The following BMPR1B variants were observed in gnomAD, a reference collection of about 807,000 sequenced individuals.
BMPR1B encodes the protein bone morphogenetic protein receptor type-1B.
In BMPR1B, 12 loss-of-function variants were observed where a neutral mutation model predicts 59.1. The observed-to-expected ratio is 0.20, with a 90% CI of 0.13 to 0.33. The LOEUF (loss-of-function observed/expected upper bound fraction) is 0.33. BMPR1B is among the 10% of genes least tolerant of loss of function. The pLI is 1.00. For synonymous variants in BMPR1B, 237 were observed against 207.3 expected (o/e 1.14, Z -1.23); for missense variants, 550 against 610.9 (o/e 0.90, Z 1.05).
intron 1 of BMPR1B, among the ~76,000 whole-genome samples, chr4:94,819,704 T>A (rs571117508): frequency 2.0e-5 from 3 of 152,318 alleles, no homozygotes; most frequent in East Asian, 3.9e-4. Flanking sequence ...ATCTGAACAC[T>A]CTTGAGATTT....
chr4:95,117,042 A>G (rs898771971), intron 6 of BMPR1B, among the ~76,000 whole-genome samples: 1 of 152,192 alleles, frequency 6.6e-6, no homozygotes, highest in African/African-American at 2.4e-5. Context: ...TATAAAGTGT[A>G]TTAAGGACAT....
intron 1 of BMPR1B, among the ~76,000 whole-genome samples, chr4:94,823,597 A>G (rs1350890343): frequency 6.6e-6 from 1 of 152,210 alleles, no homozygotes; most frequent in East Asian, 1.9e-4. Context: ...CCTCTACTGC[A>G]CACACAGCCT....
chr4:94,958,531 G>A (rs1730240898), intron 2 of BMPR1B, among the ~76,000 whole-genome samples: 1 of 152,084 alleles, frequency 6.6e-6, no homozygotes, highest in East Asian at 1.9e-4. Context: ...TCTCTCTGGT[G>A]TCTCCTTCTG....
intron 2 of BMPR1B, among the ~76,000 whole-genome samples, chr4:94,966,004 T>A (rs752527252): frequency 2.0e-5 from 3 of 152,156 alleles, no homozygotes; most frequent in Non-Finnish European, 4.4e-5. Context: ...CATGCCACCA[T>A]ACAGTTGTAA....
intron 3 of BMPR1B, among the ~76,000 whole-genome samples, chr4:95,033,466 A>T (rs761081992): frequency 1.3e-5 from 2 of 152,048 alleles, no homozygotes; most frequent in Non-Finnish European, 2.9e-5. Flanking sequence ...TAATTTTTCC[A>T]TTATGGTATA....
intron 2 of BMPR1B, among the ~76,000 whole-genome samples, chr4:94,910,621 T>C (rs1347682639): frequency 1.3e-5 from 2 of 152,020 alleles, no homozygotes; most frequent in African/African-American, 4.8e-5. Context: ...ATATTAAAAA[T>C]TTCAGGCCAG....
chr4:94,826,172 G>A (rs978899806), intron 1 of BMPR1B, among the ~76,000 whole-genome samples: 3 of 152,236 alleles, frequency 2.0e-5, no homozygotes, highest in African/African-American at 7.2e-5. Context: ...CAAAGATAAT[G>A]TGAAGCATAA....
Position 95,091,647 on chromosome 4 carries a change from T to C in BMPR1B, c.-17-12761T>C, listed in dbSNP as rs187220375. ...TCAAAAGTGAGTAGTGGGAGAAGCT[T>C]TATATCTCACAGAGACTGTTTTTTT... is the stretch of plus-strand genomic sequence containing the variant. On this transcript the variant is annotated intron_variant, in intron 3 of 12. Coordinates refer to ENST00000515059, the MANE Select transcript of BMPR1B (RefSeq NM_001203.3). 4,945 of 985,072 alleles carry C rather than the reference T, an allele frequency of 5.0e-3. 145 individuals carry two copies. In the African/African-American group the frequency reaches 0.069, roughly 14 times the overall value. The allele number at this position is 985,072 out of a possible 1,614,324, so 61.0% of individuals were successfully genotyped here.
At chr4:95,063,739 GA>G (rs1189073277) in intron 3 of BMPR1B, among the ~76,000 whole-genome samples, 1 of 151,958 alleles carries the variant, frequency 6.6e-6, no homozygotes, top group Non-Finnish European at 1.5e-5. Flanking sequence ...CCATACTCTT[GA>G]AAAACATGCT....
chr4:95,039,835 C>T (rs1725527093), intron 3 of BMPR1B, among the ~76,000 whole-genome samples: 1 of 152,090 alleles, frequency 6.6e-6, no homozygotes, highest in African/African-American at 2.4e-5. Flanking sequence ...AGACAGTTCC[C>T]CCAGTATGGC....
chr4:94,905,730 C>T (rs1728012263), intron 2 of BMPR1B, among the ~76,000 whole-genome samples: 1 of 151,956 alleles, frequency 6.6e-6, no homozygotes. Flanking sequence ...CTACCTCTGG[C>T]TTCTATGGCT....
chr4:95,094,218 C>T (rs1441810998), intron 3 of BMPR1B, among the ~76,000 whole-genome samples: 2 of 151,982 alleles, frequency 1.3e-5, no homozygotes, highest in Non-Finnish European at 1.5e-5. Context: ...CTAAATGAAT[C>T]AATGTACCAA....
chr4:94,887,604 T>C (rs1160596849), intron 2 of BMPR1B, among the ~76,000 whole-genome samples: 2 of 151,560 alleles, frequency 1.3e-5, no homozygotes, highest in South Asian at 2.1e-4. Flanking sequence ...GACAAAATTA[T>C]CTCAAAAATG....
intron 2 of BMPR1B, among the ~76,000 whole-genome samples, chr4:94,927,351 G>T (rs572519503): frequency 6.6e-6 from 1 of 152,200 alleles, no homozygotes; most frequent in African/African-American, 2.4e-5. Flanking sequence ...TAAGGCAAAA[G>T]CAAAAATAAA....
Position 95,129,956 on chromosome 4 carries a change from A to T in BMPR1B, c.680A>T (p.Lys227Met), listed in dbSNP as rs372556235. The change falls in exon 9 of 13, where the codon AAG (lysine) becomes ATG (methionine). Residue 227 changes from lysine to methionine, a missense_variant. Lys to Met is a moderately conservative substitution (Grantham distance 95). This residue lies in a region of BMPR1B where 318 missense variants were observed against 284.6 expected (regional missense o/e 1.12). Transcript: ENST00000515059. ...EVWMGKWRGE[K>M]VAVKVFFTTE... Reference sequence around the variant, plus strand: ...TGGATGGGAAAGTGGCGTGGCGAAAAGGTAGCTGTGAAAGTGTTCTTCACC... The same window carrying T: ...TGGATGGGAAAGTGGCGTGGCGAAATGGTAGCTGTGAAAGTGTTCTTCACC... 2.5e-6 allele frequency: 4 copies of T among 1,613,858 alleles called. No homozygotes were observed. The highest frequency in any genetic ancestry group is 3.4e-6 in the Non-Finnish European group (4 of 1,179,936).
intron 2 of BMPR1B, among the ~76,000 whole-genome samples, chr4:94,933,925 T>A (rs1361410632): frequency 6.6e-6 from 1 of 152,278 alleles, no homozygotes; most frequent in African/African-American, 2.4e-5. Context: ...GCCTACACAG[T>A]ACATAGGTAT....
intron 3 of BMPR1B, among the ~76,000 whole-genome samples, chr4:95,071,060 A>G (rs1447164970): frequency 2.0e-5 from 3 of 152,150 alleles, no homozygotes; most frequent in African/African-American, 4.8e-5. Context: ...TTCAAGTAAG[A>G]TTTTTGGTAT....
chr4:95,035,381 A>G (rs924940405), intron 3 of BMPR1B, among the ~76,000 whole-genome samples: 3 of 152,224 alleles, frequency 2.0e-5, no homozygotes, highest in African/African-American at 4.8e-5. Flanking sequence ...AGTTTTTCCA[A>G]TGTTATATTC....
intron 3 of BMPR1B, among the ~76,000 whole-genome samples, chr4:95,008,088 G>A (rs1722974822): frequency 6.6e-6 from 1 of 152,092 alleles, no homozygotes; most frequent in African/African-American, 2.4e-5. Flanking sequence ...CAGTATATAG[G>A]GTGGCAGTAA....
Sources: allele counts gnomAD v4.1 joint callset (sites outside exome capture counted in the v4.1 genomes callset), GRCh38; gene constraint gnomAD v4.1.1; regional missense constraint gnomAD v4.1.1; transcripts MANE v1.5; gene names NCBI Gene and HGNC (gene_info 2026-07-23, HGNC 2026-07-21).